Variants in ZBTB10 observed in about 807,000 individuals in gnomAD.
ZBTB10 encodes zinc finger and BTB domain-containing protein 10.
ZBTB10 carries 32 observed loss-of-function variants against 76.4 expected under a neutral mutation model. The observed-to-expected ratio is 0.42, with a 90% confidence interval of 0.32 to 0.56. The LOEUF (loss-of-function observed/expected upper bound fraction) is 0.56, where lower values mean the gene tolerates loss of function less well. Among genes scored for constraint, ZBTB10 ranks in the 20% least tolerant of loss-of-function variants. The pLI is 0.14. For missense variants in ZBTB10, 1,057 were observed against 1,098.5 expected (o/e 0.96, Z 0.53); for synonymous variants, 523 against 432.9 (o/e 1.21, Z -2.58).
In ZBTB10 at chr8:80,487,751, C is replaced by G. The variant is rs190368635; in HGVS notation, c.941C>G (p.Thr314Ser). ...CTCCTCCTGAGGCACCACGTCTCTA[C>G]CGAGCACAAACTCCACGAAGCCAAC... ...KTLLLRHHVSTEHKLHEANAQ... is the reference protein window; with the variant it reads ...KTLLLRHHVSSEHKLHEANAQ... Residue 314 changes from threonine to serine, a missense_variant, in exon 1 of 6, where the codon ACC becomes AGC. Coordinates refer to ENST00000455036, the MANE Select transcript of ZBTB10 (RefSeq NM_001105539.3). 1 of 1,606,864 alleles carries G rather than the reference C, an allele frequency of 6.2e-7. No homozygotes were observed. The highest frequency in any genetic ancestry group is 8.5e-7 in the Non-Finnish European group (1 of 1,176,528).
chr8:80,499,016 G>C (rs962908008), intron 1 of ZBTB10, among the ~76,000 whole-genome samples: 4 of 152,128 alleles, frequency 2.6e-5, no homozygotes, highest in Admixed American at 2.6e-4. Context: ...TTTAATGTTT[G>C]CCAAGACTTA....
At position 80,486,348 on chromosome 8, in the gene ZBTB10, G is replaced by A; in HGVS notation, c.-463G>A. On this transcript the variant is annotated 5_prime_UTR_variant, in exon 1 of 6. Coordinates refer to ENST00000455036, the MANE Select transcript of ZBTB10 (RefSeq NM_001105539.3). ...GCCTCTCACCCTCAGCGCCTGCGAA[G>A]CCGGCGGCGGCGTCGGGACTCCTCG... 4.0e-6 allele frequency: 4 copies of A among 989,950 alleles called. No homozygotes were observed. Among genetic ancestry groups the A allele is most frequent in the Non-Finnish European group, 4.8e-6 (4 of 833,348 alleles). 61.3% of individuals were successfully genotyped at this position (989,950 alleles called of 1,614,324 possible).
intron 2 of ZBTB10, among the ~76,000 whole-genome samples, chr8:80,505,115 C>A (rs929581705): frequency 1.3e-5 from 2 of 152,104 alleles, no homozygotes; most frequent in Non-Finnish European, 2.9e-5. Context: ...ACAAAAGAAA[C>A]AAATTAGCAA....
rs1041671527 is a variant in ZBTB10 at position 80,486,352 on chromosome 8, G to A, written c.-459G>A. ...CTCACCCTCAGCGCCTGCGAAGCCGGCGGCGGCGTCGGGACTCCTCGGCGC... is the reference window on the plus strand; with the variant it reads ...CTCACCCTCAGCGCCTGCGAAGCCGACGGCGGCGTCGGGACTCCTCGGCGC... On this transcript the variant is annotated 5_prime_UTR_variant, in exon 1 of 6. Transcript: ENST00000455036. 8.1e-6 allele frequency: 8 copies of A among 990,260 alleles called. No individual in the cohort carries two copies. The Admixed American group carries it at 4.9e-4, about 61-fold the overall frequency. 61.3% of individuals were successfully genotyped at this position (990,260 alleles called of 1,614,324 possible).
rs191876669 is a variant in ZBTB10, at chr8:80,488,495, G to A, written c.972+713G>A. Among the ~76,000 whole-genome samples, 135 of 152,266 alleles carry A rather than the reference G, an allele frequency of 8.9e-4. 1 individual carries two copies. Among genetic ancestry groups the A allele is most frequent in the Middle Eastern group, 3.4e-3 (1 of 294 alleles). On this transcript the variant is annotated intron_variant, in intron 1 of 5. Transcript: ENST00000455036. ...TTTTTGTACTGTTCCTTTTCAGAAA[G>A]ATTTTTAAATGCAGTTTCCAATAAG...
At position 80,506,624 on chromosome 8, in the gene ZBTB10, C is replaced by T. The variant is rs557804400; in HGVS notation, c.1861+6242C>T. ...CTGGGATTGCAGGCGTGAGCCAGCACGCCCTGCAAATATTCATGTTTTATT... is the reference window on the plus strand; with the variant it reads ...CTGGGATTGCAGGCGTGAGCCAGCATGCCCTGCAAATATTCATGTTTTATT... On this transcript the variant is annotated intron_variant, in intron 2 of 5. Coordinates refer to ENST00000455036, the MANE Select transcript of ZBTB10 (RefSeq NM_001105539.3). Among the ~76,000 whole-genome samples, 4 of 149,236 alleles carry T rather than the reference C, an allele frequency of 2.7e-5. No individual in the cohort carries two copies. The South Asian group carries it at 8.6e-4, about 32-fold the overall frequency.
rs1163843962 is a variant in ZBTB10 at position 80,519,445 on chromosome 8, G to C, written c.2533G>C (p.Glu845Gln). The change falls in exon 6 of 6, where the codon GAG becomes CAG. Residue 845 changes from glutamate (E) to glutamine (Q), a missense_variant. Glu to Gln is a conservative substitution (Grantham distance 29). Around this residue, in one of 5 missense-constraint regions of ZBTB10, gnomAD observed 55 missense variants for 65.5 expected, o/e 0.84. Coordinates refer to ENST00000455036, the MANE Select transcript of ZBTB10 (RefSeq NM_001105539.3). ...GAATGAAGTAGGAGAAGCTGATGAA[G>C]AGCTAGTTGATGATGGAGAAGATCA... is the stretch of plus-strand genomic sequence containing the variant. ...EENEVGEADE[E>Q]LVDDGEDQND... The C allele has an allele frequency of 1.2e-6, 2 of 1,612,664 alleles. No homozygotes were observed. Among genetic ancestry groups the C allele is most frequent in the Non-Finnish European group, 1.7e-6 (2 of 1,179,410 alleles).
chr8:80,499,547 T>G lies in ZBTB10; in HGVS notation c.1026T>G (p.Asn342Lys), dbSNP rs1182642884. 1 of 1,613,640 alleles carries G rather than the reference T, an allele frequency of 6.2e-7. No individual in the cohort carries two copies. Among genetic ancestry groups the G allele is most frequent in the Non-Finnish European group, 8.5e-7 (1 of 1,179,812 alleles). The stretch of plus-strand genomic sequence containing the variant: ...ACTGTGACTTTAATAGTAGGCCAAA[T>G]GAGAACTCTTATTGCTATCAACTTC... ...EGYCDFNSRP[N>K]ENSYCYQLLR... Residue 342 changes from asparagine to lysine, a missense_variant, in exon 2 of 6, where the codon AAT (asparagine) becomes AAG (lysine). Asn to Lys is a moderately conservative substitution (Grantham distance 94). Coordinates refer to ENST00000455036, the MANE Select transcript of ZBTB10 (RefSeq NM_001105539.3).
chr8:80,519,313 C>T lies in ZBTB10; in HGVS notation c.2401C>T (p.Arg801Cys). 3 of 1,613,620 alleles carry T rather than the reference C, an allele frequency of 1.9e-6. No homozygotes were observed. The highest frequency in any genetic ancestry group is 2.5e-6 in the Non-Finnish European group (3 of 1,179,780). Reference protein sequence around the residue: ...ASVGIRHGSRRYGVCVDCADK... With the variant: ...ASVGIRHGSRCYGVCVDCADK... ...TGTTGGAATAAGACATGGATCTCGA[C>T]GTTATGGTGTTTGTGTAGACTGTGC... The change falls in exon 6 of 6, where the codon CGT becomes TGT. Residue 801 changes from arginine (R) to cysteine (C), a missense_variant. This residue lies in a region of ZBTB10 where 54 missense variants were observed against 138.1 expected (regional missense o/e 0.39). Transcript: ENST00000455036.
At chr8:80,492,683 T>C (rs1188806981) in intron 1 of ZBTB10, among the ~76,000 whole-genome samples, 1 of 151,906 alleles carries the variant, frequency 6.6e-6, no homozygotes, top group East Asian at 2.0e-4. Context: ...TTCAGTATGT[T>C]GGCCAGGATA....
chr8:80,525,052 C>G lies in ZBTB10; in HGVS notation c.*5524C>G, dbSNP rs575735483. 11 of 151,948 alleles carry G rather than the reference C, an allele frequency of 7.2e-5. No individual in the cohort carries two copies. The highest frequency in any genetic ancestry group is 3.4e-3 in the Middle Eastern group (1 of 294). The allele number at this position is 151,948 out of a possible 1,614,324, so 9.4% of individuals were successfully genotyped here. A position where few individuals can be genotyped will look rare whatever the true frequency, so the allele number is the denominator to read the frequency against. Reference sequence around the variant, plus strand: ...GTACTGGACGAAGGATGTTTTGACACTAAAAAGGACATAATTTAGGAAATT... The same window carrying G: ...GTACTGGACGAAGGATGTTTTGACAGTAAAAAGGACATAATTTAGGAAATT... On this transcript the variant is annotated 3_prime_UTR_variant, in exon 6 of 6. Coordinates refer to ENST00000455036, the MANE Select transcript of ZBTB10 (RefSeq NM_001105539.3).
intron 3 of ZBTB10, among the ~76,000 whole-genome samples, chr8:80,514,735 A>T (rs1181350666): frequency 6.6e-6 from 1 of 152,204 alleles, no homozygotes; most frequent in African/African-American, 2.4e-5. Flanking sequence ...TACAATAAGG[A>T]GATCTGAGAA....
chr8:80,511,858 A>G (rs1816202806), intron 2 of ZBTB10, among the ~76,000 whole-genome samples: 1 of 152,148 alleles, frequency 6.6e-6, no homozygotes, highest in African/African-American at 2.4e-5. Context: ...TCTAATACAT[A>G]TATATCCCAA....
rs1585868379 is a variant in ZBTB10 at position 80,523,976 on chromosome 8, G to A, written c.*4448G>A. ...CCTAAGACATGTATGTAAACTTCCG[G>A]AACTGTTTTGTCTGTGTATTTAGAA... On this transcript the variant is annotated 3_prime_UTR_variant, in exon 6 of 6. Transcript: ENST00000455036. The A allele has an allele frequency of 6.6e-6, 1 of 151,926 alleles. No homozygotes were observed. Among genetic ancestry groups the A allele is most frequent in the Non-Finnish European group, 1.5e-5 (1 of 67,884 alleles). 9.4% of individuals were successfully genotyped at this position (151,926 alleles called of 1,614,324 possible).
chr8:80,497,385 A>C (rs1036049434), intron 1 of ZBTB10, among the ~76,000 whole-genome samples: 17 of 150,352 alleles, frequency 1.1e-4, no homozygotes, highest in Admixed American at 9.3e-4. Context: ...TGATTCCTCT[A>C]TCCGTGACTT....
intron 1 of ZBTB10, among the ~76,000 whole-genome samples, chr8:80,487,984 G>A (rs1297878935): frequency 6.6e-6 from 1 of 152,140 alleles, no homozygotes; most frequent in Non-Finnish European, 1.5e-5. Flanking sequence ...TTCTGTATGT[G>A]TTGTGGGGGG....
intron 2 of ZBTB10, among the ~76,000 whole-genome samples, chr8:80,505,706 C>T (rs1388584442): frequency 6.6e-6 from 1 of 151,932 alleles, no homozygotes; most frequent in Non-Finnish European, 1.5e-5. Flanking sequence ...AAAAGAATAT[C>T]CAAACTAGAT....
chr8:80,486,671 G>A lies in ZBTB10; in HGVS notation c.-140G>A, dbSNP rs1247223295. The A allele has an allele frequency of 9.1e-6, 9 of 990,158 alleles. No individual in the cohort carries two copies. Among genetic ancestry groups the A allele is most frequent in the Non-Finnish European group, 1.1e-5 (9 of 833,350 alleles). The allele number at this position is 990,158 out of a possible 1,614,324, so 61.3% of individuals were successfully genotyped here. On this transcript the variant is annotated 5_prime_UTR_variant, in exon 1 of 6. Transcript: ENST00000455036. ...GAGCGCGAGCCGGGCTGCCGGGCGA[G>A]AGGGCGAGGCCGAGCCCCGCGAGAC...
At chr8:80,485,790 A>G (rs1815429081), upstream of ZBTB10, 2 of 1,534,964 alleles carry the variant, frequency 1.3e-6, no homozygotes, top group Non-Finnish European at 1.7e-6. Context: ...GCAAATGACA[A>G]GGCTGGAGCG....
Sources: gnomAD v4.1 joint callset for allele counts (sites outside exome capture counted in the v4.1 genomes callset) on GRCh38, gnomAD v4.1.1 for gene constraint, gnomAD v4.1.1 regional missense constraint, MANE v1.5 for transcripts, NCBI Gene and HGNC (gene_info 2026-07-23, HGNC 2026-07-21) for gene names.